MYH13: variants seen among roughly 807,000 people sequenced by gnomAD.
The protein encoded by MYH13 is myosin heavy chain 13.
Under a neutral mutation model 232.1 loss-of-function variants are expected in MYH13, and 177 were observed. The observed-to-expected ratio is 0.76, with a 90% CI of 0.67 to 0.86. The LOEUF is 0.86. Ranked by LOEUF, MYH13 falls within the 40% of genes least tolerant of loss-of-function variation. The probability of loss-of-function intolerance (pLI) is 0.00; values close to 1 mark genes in which losing one functional copy is unlikely to be tolerated. For missense variants in MYH13, 2,246 were observed against 2,405.9 expected (o/e 0.93, Z 1.39); for synonymous variants, 884 against 923.5 (o/e 0.96, Z 0.78).
At chr17:10,360,248 A>G in intron 5 of MYH13, 60 bp from the exon 6 acceptor site, 5 of 1,562,326 alleles carry the variant, frequency 3.2e-6, no homozygotes, top group Non-Finnish European at 8.7e-7. Context: ...TGTTAAAATA[A>G]AGTAACATTG....
chr17:10,361,886 C>T (rs936388077), intron 5 of MYH13, among the ~76,000 whole-genome samples: 1 of 152,234 alleles, frequency 6.6e-6, no homozygotes, highest in African/African-American at 2.4e-5. Context: ...TTGTGTTCCA[C>T]ATTCTCCCAA....
At chr17:10,301,988 G>T (rs1193017927) in intron 39 of MYH13, among the ~76,000 whole-genome samples, 1 of 152,078 alleles carries the variant, frequency 6.6e-6, no homozygotes, top group African/African-American at 2.4e-5. Flanking sequence ...ATCTTCGGGG[G>T]AGACCTAAGT....
At chr17:10,340,858 T>C (rs2142255542) in intron 16 of MYH13, among the ~76,000 whole-genome samples, 1 of 152,060 alleles carries the variant, frequency 6.6e-6, no homozygotes, top group East Asian at 1.9e-4. Flanking sequence ...AGCTTTATCA[T>C]TGTGGGAATG....
intron 29 of MYH13, 67 bp downstream of exon 29, chr17:10,315,626 C>T: frequency 1.4e-6 from 2 of 1,412,084 alleles, no homozygotes; most frequent in Non-Finnish European, 2.0e-6. Context: ...ACTGCTCTGA[C>T]CAGCTTCACG....
intron 2 of MYH13, among the ~76,000 whole-genome samples, chr17:10,369,040 C>T (rs376640024): frequency 2.0e-5 from 3 of 152,288 alleles, no homozygotes; most frequent in East Asian, 1.9e-4. Context: ...ATGGCACAGT[C>T]TCATTGCTTG....
chr17:10,313,956 G>A (rs1162408898), intron 29 of MYH13, among the ~76,000 whole-genome samples: 8 of 152,138 alleles, frequency 5.3e-5, no homozygotes, highest in African/African-American at 1.7e-4. Context: ...CCTCCTCCTA[G>A]GCAGAGAAGA....
intron 12 of MYH13, 149 bp from the exon 13 acceptor site, chr17:10,346,947 G>A (rs566684509): frequency 1.6e-6 from 1 of 608,316 alleles, no homozygotes; most frequent in Non-Finnish European, 2.8e-6. Flanking sequence ...CTTGTTCACT[G>A]AAGCTTTAAT....
chr17:10,361,046 G>A lies in MYH13; in HGVS notation c.506-858C>T, dbSNP rs1462968266. 2.0e-5 allele frequency among the ~76,000 whole-genome samples: 3 copies of A among 152,156 alleles called. No individual in the cohort carries two copies. In the East Asian group the frequency reaches 5.8e-4, roughly 29 times the overall value. On this transcript the variant is annotated intron_variant, in intron 5 of 40. Coordinates refer to ENST00000252172, the MANE Select transcript of MYH13 (RefSeq NM_003802.3). ...GGACTTCAATCCTCTAGAACTGTGG[G>A]AAAGTACATTTCTATTGTGTAAGCC...
intron 18 of MYH13, among the ~76,000 whole-genome samples, chr17:10,334,827 C>A (rs1010688119): frequency 6.6e-6 from 1 of 151,864 alleles, no homozygotes; most frequent in Non-Finnish European, 1.5e-5. Flanking sequence ...TGCAGTGAGC[C>A]GAGATTGTGC....
chr17:10,315,587 C>A, intron 29 of MYH13, 106 bp downstream of exon 29: 1 of 1,008,314 alleles, frequency 9.9e-7, no homozygotes, highest in Non-Finnish European at 1.5e-6. Context: ...AGTCACCGTG[C>A]CCAGCTGCAG....
chr17:10,340,747 G>C (rs772016745), intron 16 of MYH13, among the ~76,000 whole-genome samples: 5 of 151,944 alleles, frequency 3.3e-5, no homozygotes, highest in Non-Finnish European at 2.9e-5. Context: ...TCGAACTCCT[G>C]ACTTTGGCCT....
chr17:10,310,094 GT>G (rs61271828), intron 33 of MYH13, among the ~76,000 whole-genome samples: 120 of 132,038 alleles, frequency 9.1e-4, no homozygotes, highest in East Asian at 1.3e-3. Flanking sequence ...TAGGTTTTGT[GT>G]TTTTTTTTTT....
At chr17:10,323,525 A>C (rs1426228557) in intron 23 of MYH13, among the ~76,000 whole-genome samples, 10 of 152,092 alleles carry the variant, frequency 6.6e-5, no homozygotes, top group Admixed American at 6.6e-4. Flanking sequence ...TGAGAGGCCG[A>C]GGTGGGTGGA....
chr17:10,367,507 C>T (rs975914587), intron 2 of MYH13, among the ~76,000 whole-genome samples: 4 of 152,080 alleles, frequency 2.6e-5, no homozygotes, highest in African/African-American at 9.7e-5. Flanking sequence ...CACCACCATG[C>T]CCAGCTAATT....
intron 16 of MYH13, among the ~76,000 whole-genome samples, chr17:10,342,454 A>G (rs905753233): frequency 3.9e-5 from 6 of 152,206 alleles, no homozygotes; most frequent in South Asian, 2.1e-4. Flanking sequence ...GGTACCGTAT[A>G]TATATACCGT....
chr17:10,331,547 T>G (rs1907408322), intron 20 of MYH13, among the ~76,000 whole-genome samples: 1 of 152,292 alleles, frequency 6.6e-6, no homozygotes, highest in East Asian at 1.9e-4. Flanking sequence ...GGGCTGATAC[T>G]CACGTGCTCA....
At chr17:10,321,427 G>T (rs556246812) in intron 24 of MYH13, 105 bp downstream of exon 24, 3 of 1,150,454 alleles carry the variant, frequency 2.6e-6, no homozygotes, top group Middle Eastern at 2.8e-4. Flanking sequence ...TAGGGATGCT[G>T]ATTCCAGAGT....
chr17:10,363,442 A>G (rs532270105), intron 3 of MYH13, among the ~76,000 whole-genome samples: 50 of 152,350 alleles, frequency 3.3e-4, no homozygotes, highest in African/African-American at 1.1e-3. Flanking sequence ...GATAAAAGGA[A>G]GGAGTTTTGC....
At chr17:10,344,644 C>T (rs553888325) in intron 15 of MYH13, among the ~76,000 whole-genome samples, 4 of 151,018 alleles carry the variant, frequency 2.6e-5, no homozygotes, top group South Asian at 2.1e-4. Flanking sequence ...GGTGAAACCC[C>T]GTCTCTACAA....
Sources: gnomAD v4.1 joint callset for allele counts (sites outside exome capture counted in the v4.1 genomes callset) on GRCh38, gnomAD v4.1.1 for gene constraint, MANE v1.5 for transcripts, NCBI Gene and HGNC (gene_info 2026-07-23, HGNC 2026-07-21) for gene names.